Variants in DNAH11 observed in about 807,000 individuals in gnomAD.
The protein encoded by DNAH11 is dynein axonemal heavy chain 11.
Under a neutral mutation model 526.0 loss-of-function variants are expected in DNAH11, and 442 were observed. That is an observed-to-expected ratio of 0.84 (90% confidence interval 0.78 to 0.91). DNAH11 has a LOEUF of 0.91. DNAH11 is among the 40% of genes least tolerant of loss of function. The probability of loss-of-function intolerance (pLI) is 0.00; values close to 1 mark genes in which losing one functional copy is unlikely to be tolerated. For missense variants in DNAH11, 6,989 were observed against 5,448.7 expected, an observed-to-expected ratio of 1.28 and a Z score of -8.90; for synonymous variants, 2,461 against 1,935.9, an observed-to-expected ratio of 1.27 and a Z score of -7.12.
chr7:21,764,324 A>T (rs145757778), intron 54 of DNAH11, among the ~76,000 whole-genome samples: 21 of 152,326 alleles, frequency 1.4e-4, no homozygotes, highest in African/African-American at 4.8e-4. Context: ...TTTTTATGAC[A>T]TGGATTTTTT....
intron 74 of DNAH11, among the ~76,000 whole-genome samples, chr7:21,879,274 A>C (rs994126487): frequency 3.3e-5 from 5 of 152,000 alleles, no homozygotes; most frequent in African/African-American, 1.2e-4. Flanking sequence ...CAATCTGGTG[A>C]ATCCCCATCT....
intron 6 of DNAH11, among the ~76,000 whole-genome samples, chr7:21,567,947 C>T (rs570039074): frequency 6.6e-6 from 1 of 152,236 alleles, no homozygotes; most frequent in South Asian, 2.1e-4. Context: ...ACTCTAGACA[C>T]TACGTTGTCT....
intron 54 of DNAH11, 100 bp downstream of exon 54, chr7:21,750,464 T>G (rs182268937): frequency 2.0e-6 from 3 of 1,470,322 alleles, no homozygotes; most frequent in Admixed American, 4.6e-5. Context: ...ATTTCAGTCA[T>G]GCATTTTGAA....
At chr7:21,898,766 C>G (rs552895832) in intron 79 of DNAH11, among the ~76,000 whole-genome samples, 1 of 152,212 alleles carries the variant, frequency 6.6e-6, no homozygotes, top group Non-Finnish European at 1.5e-5. Context: ...GTTTCTCAAC[C>G]CACCGGCGTG....
chr7:21,892,404 A>G (rs548645713), intron 76 of DNAH11, 21 bp from the exon 77 acceptor site: 1 of 1,593,686 alleles, frequency 6.3e-7, no homozygotes, highest in Non-Finnish European at 8.6e-7. Context: ...GGAATAACTG[A>G]CTTTTCCTTT....
Position 21,558,950 on chromosome 7 carries a change from C to T in DNAH11, c.644C>T (p.Pro215Leu). 6.3e-7 allele frequency: 1 copy of T among 1,594,266 alleles called. No homozygotes were observed. The highest frequency in any genetic ancestry group is 8.6e-7 in the Non-Finnish European group (1 of 1,169,398). Residue 215 changes from proline (P) to leucine (L), a missense_variant, in exon 3 of 82, where the codon CCC becomes CTC. Physicochemically the swap from Pro to Leu is moderately conservative, Grantham distance 98. Coordinates refer to ENST00000409508, the MANE Select transcript of DNAH11 (RefSeq NM_001277115.2). ...KMSRRTLLPI[P>L]TVAGKMDLDQ... Reference sequence around the variant, plus strand: ...TCTAGAAGAACTCTTCTACCAATTCCCACTGTTGCAGGAAAGATGGATCTG... The same window carrying T: ...TCTAGAAGAACTCTTCTACCAATTCTCACTGTTGCAGGAAAGATGGATCTG...
intron 8 of DNAH11, among the ~76,000 whole-genome samples, chr7:21,578,834 A>G (rs1784202584): frequency 6.6e-6 from 1 of 152,180 alleles, no homozygotes; most frequent in South Asian, 2.1e-4. Flanking sequence ...GATATTTCAT[A>G]CACATCTCAA....
At chr7:21,855,229 C>T (rs1437673396) in intron 68 of DNAH11, among the ~76,000 whole-genome samples, 1 of 152,024 alleles carries the variant, frequency 6.6e-6, no homozygotes, top group Non-Finnish European at 1.5e-5. Flanking sequence ...GATGGGGTTT[C>T]ACCGTGTTAG....
intron 59 of DNAH11, 107 bp from the exon 60 acceptor site, chr7:21,787,294 A>G (rs1788232845): frequency 2.7e-6 from 3 of 1,096,860 alleles, no homozygotes; most frequent in African/African-American, 1.6e-5. Context: ...CAGCTTGCCA[A>G]TTTTGCTTTT....
At chr7:21,687,078 T>C (rs1053141902) in intron 32 of DNAH11, 21 bp from the exon 33 acceptor site, 1 of 1,599,472 alleles carries the variant, frequency 6.3e-7, no homozygotes, top group Non-Finnish European at 8.5e-7. Context: ...CTGTGATGTT[T>C]GTGTTTTCTA....
At position 21,868,940 on chromosome 7, in the gene DNAH11, A is replaced by C; in HGVS notation, c.11916A>C (p.Ala3972=). The part of the protein sequence containing the change: ...VSLGQGQETV[A]EVALEKASKG... ...TAGGACAAGGTCAGGAGACGGTGGC[A>C]GAAGTGGCCCTGGAGAAAGCTTCCA... is the stretch of plus-strand genomic sequence containing the variant. The change falls in exon 73 of 82, where the codon GCA becomes GCC. Residue 3972 remains alanine, a synonymous_variant. Coordinates refer to ENST00000409508, the MANE Select transcript of DNAH11 (RefSeq NM_001277115.2). 1.9e-6 allele frequency: 3 copies of C among 1,614,004 alleles called. No homozygotes were observed. The highest frequency in any genetic ancestry group is 2.5e-6 in the Non-Finnish European group (3 of 1,179,880).
chr7:21,895,086 C>G, intron 79 of DNAH11, 87 bp downstream of exon 79: 2 of 1,089,400 alleles, frequency 1.8e-6, no homozygotes, highest in Non-Finnish European at 2.7e-6. Context: ...AAGAACTATG[C>G]AGACGGAGCT....
chr7:21,730,439 C>A (rs1383787614), intron 45 of DNAH11, among the ~76,000 whole-genome samples: 2 of 152,146 alleles, frequency 1.3e-5, no homozygotes, highest in South Asian at 2.1e-4. Context: ...GTCCCAAAAC[C>A]CCCAGAAATT....
intron 45 of DNAH11, among the ~76,000 whole-genome samples, chr7:21,729,693 T>C (rs1343469107): frequency 1.1e-5 from 1 of 91,676 alleles, no homozygotes; most frequent in Non-Finnish European, 2.5e-5. Context: ...TTTCTGCCAG[T>C]GTCAAGTAAC....
chr7:21,870,414 T>C (rs1395990946), intron 73 of DNAH11, among the ~76,000 whole-genome samples: 1 of 152,174 alleles, frequency 6.6e-6, no homozygotes, highest in African/African-American at 2.4e-5. Context: ...GATGAGGCCT[T>C]AATAGAGACC....
At chr7:21,717,710 G>T in intron 42 of DNAH11, 65 bp from the exon 43 acceptor site, 2 of 1,591,986 alleles carry the variant, frequency 1.3e-6, no homozygotes, top group South Asian at 2.3e-5. Flanking sequence ...GGAAGCTTTT[G>T]ACTTGGTGAA....
At chr7:21,626,778 G>C (rs1237699984) in intron 25 of DNAH11, among the ~76,000 whole-genome samples, 1 of 116,568 alleles carries the variant, frequency 8.6e-6, no homozygotes, top group Non-Finnish European at 1.6e-5. Context: ...TTGAGGCGGA[G>C]TCTCATCTGT....
chr7:21,840,972 A>G (rs900032875), intron 65 of DNAH11, among the ~76,000 whole-genome samples: 1 of 152,176 alleles, frequency 6.6e-6, no homozygotes, highest in African/African-American at 2.4e-5. Flanking sequence ...ACCTGAGGTC[A>G]GTAGTTGGAG....
rs202160572 is a variant in DNAH11, at chr7:21,750,605, A to G, written c.8940+241A>G. Among the ~76,000 whole-genome samples, 30 of 152,320 alleles carry G rather than the reference A, an allele frequency of 2.0e-4. No homozygotes were observed. The East Asian group carries it at 4.4e-3, about 23-fold the overall frequency. ...AGCTGAAGTGCATGTGGTCTGTGCCATTGAGGAACTTACACTATTGTAGAA... is the reference window on the plus strand; with the variant it reads ...AGCTGAAGTGCATGTGGTCTGTGCCGTTGAGGAACTTACACTATTGTAGAA... On this transcript the variant is annotated intron_variant, in intron 54 of 81. Coordinates refer to ENST00000409508, the MANE Select transcript of DNAH11 (RefSeq NM_001277115.2).
Sources: gnomAD v4.1 joint callset for allele counts (sites outside exome capture counted in the v4.1 genomes callset) on GRCh38, gnomAD v4.1.1 for gene constraint, MANE v1.5 for transcripts, NCBI Gene and HGNC (gene_info 2026-07-23, HGNC 2026-07-21) for gene names.